Variants in CDH13 observed in about 807,000 individuals in gnomAD.
CDH13 encodes the protein cadherin 13.
In CDH13, 24 loss-of-function variants were observed where a neutral mutation model predicts 63.8. The ratio of observed to expected loss-of-function variants is 0.38; its 90% confidence interval spans 0.27 to 0.53. The LOEUF (loss-of-function observed/expected upper bound fraction) is 0.53. CDH13 is among the 20% of genes least tolerant of loss of function. The pLI is 0.85. For missense variants in CDH13, 1,049 were observed against 903.1 expected, an observed-to-expected ratio of 1.16 and a Z score of -2.07; for synonymous variants, 503 against 355.3, an observed-to-expected ratio of 1.42 and a Z score of -4.67.
At chr16:82,973,086 G>A (rs969025261) in intron 2 of CDH13, among the ~76,000 whole-genome samples, 1 of 152,152 alleles carries the variant, frequency 6.6e-6, no homozygotes, top group African/African-American at 2.4e-5. Flanking sequence ...CTCTGTCTCA[G>A]CATTTCTGCC....
chr16:82,989,254 T>C (rs562416031), intron 2 of CDH13, among the ~76,000 whole-genome samples: 30 of 152,284 alleles, frequency 2.0e-4, no homozygotes, highest in African/African-American at 6.5e-4. Flanking sequence ...TATATTTATG[T>C]TGACATCACT....
intron 8 of CDH13, among the ~76,000 whole-genome samples, chr16:83,631,759 T>A (rs1216768727): frequency 6.6e-6 from 1 of 152,188 alleles, no homozygotes; most frequent in Non-Finnish European, 1.5e-5. Context: ...TCTGTCTGCC[T>A]GTGTTGTCAA....
intron 1 of CDH13, among the ~76,000 whole-genome samples, chr16:82,854,498 G>A (rs1444686656): frequency 6.6e-6 from 1 of 152,100 alleles, no homozygotes; most frequent in Non-Finnish European, 1.5e-5. Context: ...AGCTTTTGGG[G>A]AAGTCCTAAA....
chr16:83,792,632 C>T (rs535779494), intron 13 of CDH13, among the ~76,000 whole-genome samples: 3 of 152,150 alleles, frequency 2.0e-5, no homozygotes, highest in Non-Finnish European at 4.4e-5. Context: ...CAGCACCCCC[C>T]ACAAAGAATT....
intron 3 of CDH13, among the ~76,000 whole-genome samples, chr16:83,043,280 G>A (rs1424361685): frequency 6.6e-6 from 1 of 151,958 alleles, no homozygotes; most frequent in African/African-American, 2.4e-5. Flanking sequence ...GAAATTCTTG[G>A]GGGAAAAACT....
At chr16:83,407,114 C>T (rs182895772) in intron 6 of CDH13, among the ~76,000 whole-genome samples, 1 of 152,292 alleles carries the variant, frequency 6.6e-6, no homozygotes, top group Admixed American at 6.5e-5. Context: ...CTACTGTGTG[C>T]CAGGCAGCCC....
intron 5 of CDH13, among the ~76,000 whole-genome samples, chr16:83,301,941 C>G (rs565119830): frequency 6.9e-6 from 1 of 145,798 alleles, no homozygotes; most frequent in East Asian, 2.0e-4. Flanking sequence ...TTTGAAAGAT[C>G]AATGAGACTT....
rs562438848 is a variant in CDH13, at chr16:83,130,285, A to T, written c.483+4784A>T. On this transcript the variant is annotated intron_variant, in intron 4 of 13. Transcript: ENST00000567109. Reference sequence around the variant, plus strand: ...ATGAAGGTAATGAGACTCAGGGGTGACGTAACCTGTCCAAAGCCACACAGC... The same window carrying T: ...ATGAAGGTAATGAGACTCAGGGGTGTCGTAACCTGTCCAAAGCCACACAGC... Among the ~76,000 whole-genome samples, 43 of 152,354 alleles carry T rather than the reference A, an allele frequency of 2.8e-4. 1 individual carries two copies. The highest frequency in any genetic ancestry group is 1.0e-3 in the African/African-American group (43 of 41,574).
chr16:83,325,890 C>G (rs916286802), intron 5 of CDH13, among the ~76,000 whole-genome samples: 5 of 152,158 alleles, frequency 3.3e-5, no homozygotes, highest in Non-Finnish European at 5.9e-5. Flanking sequence ...TGAATATGGA[C>G]TCACTTACAG....
At chr16:83,687,561 C>T (rs1904433577) in intron 10 of CDH13, among the ~76,000 whole-genome samples, 1 of 152,212 alleles carries the variant, frequency 6.6e-6, no homozygotes, top group Admixed American at 6.5e-5. Flanking sequence ...CAGGCTCCAA[C>T]ATTGGAGATT....
intron 5 of CDH13, among the ~76,000 whole-genome samples, chr16:83,312,193 G>T (rs889261362): frequency 1.3e-5 from 2 of 151,652 alleles, no homozygotes; most frequent in African/African-American, 4.8e-5. Flanking sequence ...TCCCTGGTCT[G>T]CCCAGTGCAG....
intron 4 of CDH13, among the ~76,000 whole-genome samples, chr16:83,135,171 C>A (rs8056019): frequency 6.6e-6 from 1 of 151,930 alleles, no homozygotes; most frequent in Non-Finnish European, 1.5e-5. Context: ...TACAACAGCC[C>A]TATAAAGTAG....
At chr16:83,136,599 G>C (rs1466501762) in intron 4 of CDH13, among the ~76,000 whole-genome samples, 1 of 152,150 alleles carries the variant, frequency 6.6e-6, no homozygotes, top group Non-Finnish European at 1.5e-5. Context: ...CATTCCACAG[G>C]GAGGTCTGCC....
chr16:83,483,772 G>A (rs568124845), intron 6 of CDH13, among the ~76,000 whole-genome samples: 1 of 152,176 alleles, frequency 6.6e-6, no homozygotes, highest in East Asian at 1.9e-4. Flanking sequence ...TTTCTGATGG[G>A]GATATCCTTA....
At chr16:83,312,912 G>A (rs1567584037) in intron 5 of CDH13, among the ~76,000 whole-genome samples, 1 of 152,164 alleles carries the variant, frequency 6.6e-6, no homozygotes, top group African/African-American at 2.4e-5. Context: ...CCATAGCTGT[G>A]TTGCCTTGGT....
At chr16:83,347,499 T>C (rs1017222799) in intron 6 of CDH13, among the ~76,000 whole-genome samples, 13 of 152,132 alleles carry the variant, frequency 8.5e-5, no homozygotes, top group Admixed American at 1.3e-4. Flanking sequence ...CCCGCTGAAT[T>C]CATGGTGAAC....
intron 1 of CDH13, among the ~76,000 whole-genome samples, chr16:82,770,170 T>C (rs775570059): frequency 3.2e-4 from 49 of 152,254 alleles, no homozygotes; most frequent in Non-Finnish European, 3.1e-4. Flanking sequence ...TTTGGTCTTA[T>C]TAGAAAACAA....
At chr16:83,186,414 G>A (rs182101455) in intron 4 of CDH13, among the ~76,000 whole-genome samples, 1 of 152,194 alleles carries the variant, frequency 6.6e-6, no homozygotes, top group African/African-American at 2.4e-5. Context: ...TGGGATTACA[G>A]GCCTGAGCCA....
intron 4 of CDH13, among the ~76,000 whole-genome samples, chr16:83,142,160 G>GTTTTTTTTTTTTTT (rs11445521): frequency 1.9e-4 from 23 of 120,316 alleles, no homozygotes; most frequent in East Asian, 2.6e-4. Context: ...GTTTGTTTTT[G>GTTTTTTTTTTTTTT]TTTTTTTTTT....
Sources: allele counts gnomAD v4.1 joint callset (sites outside exome capture counted in the v4.1 genomes callset), GRCh38; gene constraint gnomAD v4.1.1; transcripts MANE v1.5; gene names NCBI Gene and HGNC (gene_info 2026-07-23, HGNC 2026-07-21).